Variants in MATN3 observed in about 807,000 individuals in gnomAD.
MATN3 encodes the protein matrilin-3.
MATN3 carries 48 observed loss-of-function variants against 45.3 expected under a neutral mutation model. The ratio of observed to expected loss-of-function variants is 1.06; its 90% CI spans 0.84 to 1.35. The LOEUF (loss-of-function observed/expected upper bound fraction) is 1.35. Among genes scored for constraint, MATN3 ranks in the 40% most tolerant of loss-of-function variants. The pLI, the probability that MATN3 is intolerant of heterozygous loss-of-function variation, is 0.00. For synonymous variants in MATN3, 217 were observed against 245.9 expected, an observed-to-expected ratio of 0.88 and a Z score of 1.10; for missense variants, 599 against 628.0, an observed-to-expected ratio of 0.95 and a Z score of 0.49.
At chr2:20,002,347 T>C (rs887126331) in intron 3 of MATN3, among the ~76,000 whole-genome samples, 1 of 152,164 alleles carries the variant, frequency 6.6e-6, no homozygotes, top group African/African-American at 2.4e-5. Flanking sequence ...CTAAGCTTTC[T>C]TCCTCCCAAA....
At position 20,002,015 on chromosome 2, in the gene MATN3, A is replaced by G; in HGVS notation, c.982T>C (p.Ser328Pro). 2 of 1,613,494 alleles carry G rather than the reference A, an allele frequency of 1.2e-6. No homozygotes were observed. Among genetic ancestry groups the G allele is most frequent in the East Asian group, 2.2e-5 (1 of 44,872 alleles). Reference sequence around the variant, plus strand: ...CCTTCATAGCACTCACAATGATAAGAGCCACTTCTGTCATTCACACAGATG... The same window carrying G: ...CCTTCATAGCACTCACAATGATAAGGGCCACTTCTGTCATTCACACAGATG... The part of the protein sequence containing the change: ...EHICVNDRSG[S>P]YHCECYEGYT... The change falls in exon 4 of 8, where the codon TCT becomes CCT. Residue 328 changes from serine to proline, a missense_variant. By Grantham distance (74) the Ser-to-Pro change is moderately conservative. Transcript: ENST00000407540.
chr2:19,998,054 T>C (rs919386327), intron 5 of MATN3, among the ~76,000 whole-genome samples: 1 of 152,134 alleles, frequency 6.6e-6, no homozygotes, highest in African/African-American at 2.4e-5. Flanking sequence ...CCAAAATAGT[T>C]TATTTCCCTC....
At chr2:20,005,653 C>T in intron 2 of MATN3, 91 bp downstream of exon 2, 1 of 1,119,000 alleles carries the variant, frequency 8.9e-7, no homozygotes, top group Non-Finnish European at 1.2e-6. Context: ...CATTAAATTT[C>T]CACCAAAAAA....
In MATN3 at chr2:20,002,057, T is replaced by A; in HGVS notation, c.940A>T (p.Thr314Ser). ...ACACAGATGTGCTCACATCCGTGGG[T>A]GTTAAGAGCACACCTATCAAGAGCT... ...CSALDRCALN[T>S]HGCEHICVND... The change falls in exon 4 of 8, where the codon ACC becomes TCC. Residue 314 changes from threonine (T) to serine (S), a missense_variant. Coordinates refer to ENST00000407540, the MANE Select transcript of MATN3 (RefSeq NM_002381.5). The A allele has an allele frequency of 6.2e-7, 1 of 1,613,206 alleles. No homozygotes were observed. Among genetic ancestry groups the A allele is most frequent in the Non-Finnish European group, 8.5e-7 (1 of 1,179,490 alleles).
intron 6 of MATN3, among the ~76,000 whole-genome samples, chr2:19,996,638 G>C (rs1019511886): frequency 6.6e-6 from 1 of 152,102 alleles, no homozygotes; most frequent in African/African-American, 2.4e-5. Flanking sequence ...GTGAATCTGG[G>C]GGCAAATGTA....
At chr2:19,997,391 G>A in intron 5 of MATN3, 132 bp from the exon 6 acceptor site, 1 of 878,742 alleles carries the variant, frequency 1.1e-6, no homozygotes, top group Non-Finnish European at 1.7e-6. Context: ...GTCAGCAACA[G>A]GCCCCATGCT....
chr2:20,003,028 G>T, intron 3 of MATN3, 133 bp downstream of exon 3: 1 of 960,726 alleles, frequency 1.0e-6, no homozygotes, highest in Non-Finnish European at 1.5e-6. Flanking sequence ...AACTGCTGAT[G>T]AACACCAGTA....
chr2:20,002,581 G>A (rs1436527045), intron 3 of MATN3, among the ~76,000 whole-genome samples: 1 of 151,998 alleles, frequency 6.6e-6, no homozygotes, highest in African/African-American at 2.4e-5. Flanking sequence ...AAGAATCTTG[G>A]ACCCGTTTCT....
intron 7 of MATN3, 148 bp downstream of exon 7, chr2:19,994,151 T>G (rs1672815229): frequency 1.7e-6 from 1 of 583,252 alleles, no homozygotes; most frequent in Admixed American, 3.4e-5. Flanking sequence ...AAAAGAACTC[T>G]AAATTTTTTA....
At chr2:20,000,684 A>G in intron 4 of MATN3, 118 bp from the exon 5 acceptor site, 1 of 988,398 alleles carries the variant, frequency 1.0e-6, no homozygotes, top group Middle Eastern at 2.9e-4. Flanking sequence ...GAAACTATTC[A>G]AAGCCATTGG....
chr2:20,008,309 A>G (rs1255114072), intron 1 of MATN3, among the ~76,000 whole-genome samples: 1 of 152,114 alleles, frequency 6.6e-6, no homozygotes, highest in Non-Finnish European at 1.5e-5. Flanking sequence ...CAACACACGC[A>G]TGCAGCCCTA....
chr2:20,006,064 G>T lies in MATN3; in HGVS notation c.470C>A (p.Ser157Ter). ...GGCTAGGCCTGACATGGTGCCTGTT[G>T]ACAAGGGTGTGATTCGACCCACGGC... Reference protein sequence around the residue: ...KQAVGRITPLSTGTMSGLAIQ... With the variant: ...KQAVGRITPL The change falls in exon 2 of 8, where the codon TCA (serine) becomes TAA (stop). Residue 157 changes from serine (S) to a stop codon, truncating the protein, a stop_gained. Coordinates refer to ENST00000407540, the MANE Select transcript of MATN3 (RefSeq NM_002381.5). LOFTEE classifies it high-confidence loss of function. 6.2e-7 allele frequency: 1 copy of T among 1,614,012 alleles called. No individual in the cohort carries two copies. Among genetic ancestry groups the T allele is most frequent in the Non-Finnish European group, 8.5e-7 (1 of 1,179,888 alleles).
intron 1 of MATN3, among the ~76,000 whole-genome samples, chr2:20,010,064 T>TCCAAAAAAAAAAAAAAAA (rs1247085339): frequency 7.4e-4 from 8 of 10,772 alleles, no homozygotes; most frequent in Non-Finnish European, 9.1e-4. Flanking sequence ...TCTCTTCAAA[T>TCCAAAAAAAAAAAAAAAA]ACTAAAAAAA....
Position 19,997,235 on chromosome 2 carries a change from G to A in MATN3, c.1193C>T (p.Ser398Phe), listed in dbSNP as rs896889720. The change falls in exon 6 of 8, where the codon TCT becomes TTT. Residue 398 changes from serine to phenylalanine, a missense_variant. By Grantham distance (155) the Ser-to-Phe change is radical. Coordinates refer to ENST00000407540, the MANE Select transcript of MATN3 (RefSeq NM_002381.5). ...CACACAAATGTGCTGGCAACCATGA[G>A]AGCCTAGGGCACACTTGTCACGGAC... ...CSVRDKCALG[S>F]HGCQHICVSD... 5 of 1,613,306 alleles carry A rather than the reference G, an allele frequency of 3.1e-6. No individual in the cohort carries two copies. Among genetic ancestry groups the A allele is most frequent in the African/African-American group, 1.3e-5 (1 of 74,894 alleles).
intron 5 of MATN3, chr2:19,997,770 G>GCA (rs10678920): frequency 0.32 from 48,073 of 149,456 alleles, 9,306 homozygotes; most frequent in East Asian, 0.62. Flanking sequence ...GGAGACACAT[G>GCA]CACACACACA....
chr2:20,003,853 G>A (rs1185907434), intron 2 of MATN3, among the ~76,000 whole-genome samples: 1 of 152,208 alleles, frequency 6.6e-6, no homozygotes, highest in Non-Finnish European at 1.5e-5. Context: ...TTCTGAATAT[G>A]TAAGGTGGGT....
chr2:19,997,325 T>G, intron 5 of MATN3, 66 bp from the exon 6 acceptor site: 1 of 1,491,088 alleles, frequency 6.7e-7, no homozygotes, highest in Non-Finnish European at 9.0e-7. Context: ...CACAAATGTT[T>G]GAGAGGAGAA....
chr2:20,009,552 T>G (rs1324683887), intron 1 of MATN3, among the ~76,000 whole-genome samples: 1 of 152,076 alleles, frequency 6.6e-6, no homozygotes, highest in African/African-American at 2.4e-5. Context: ...ACCTAGATGA[T>G]GGGTTGATGG....
rs1672773948 is a variant in MATN3 at position 19,992,344 on chromosome 2, A to G, written c.*767T>C. 1 of 152,080 alleles carries G rather than the reference A, an allele frequency of 6.6e-6. No individual in the cohort carries two copies. The highest frequency in any genetic ancestry group is 2.4e-5 in the African/African-American group (1 of 41,442). 9.4% of individuals were successfully genotyped at this position (152,080 alleles called of 1,614,324 possible). ...ACTAACATTAAAAAGACAACATTAGATTTTGTCGATTTATAGCAATTTTAT... is the reference window on the plus strand; with the variant it reads ...ACTAACATTAAAAAGACAACATTAGGTTTTGTCGATTTATAGCAATTTTAT... On this transcript the variant is annotated 3_prime_UTR_variant, in exon 8 of 8. Transcript: ENST00000407540.
Sources: gnomAD v4.1 joint callset for allele counts (sites outside exome capture counted in the v4.1 genomes callset) on GRCh38, gnomAD v4.1.1 for gene constraint, MANE v1.5 for transcripts, NCBI Gene and HGNC (gene_info 2026-07-23, HGNC 2026-07-21) for gene names.